Variants in LRRC4C observed in about 807,000 individuals in gnomAD.
LRRC4C encodes leucine rich repeat containing 4C, also known as leucine-rich repeat-containing protein 4C.
Under a neutral mutation model 33.6 loss-of-function variants are expected in LRRC4C, and 5 were observed. The observed-to-expected ratio is 0.15, with a 90% CI of 0.08 to 0.31. LRRC4C has a LOEUF of 0.31. Among genes scored for constraint, LRRC4C ranks in the 10% least tolerant of loss-of-function variants. LRRC4C has a pLI of 1.00. For synonymous variants in LRRC4C, 329 were observed against 302.0 expected, an observed-to-expected ratio of 1.09 and a Z score of -0.93; for missense variants, 560 against 796.7, an observed-to-expected ratio of 0.70 and a Z score of 3.58.
chr11:40,500,293 TAC>T (rs375005241), intron 3 of LRRC4C, among the ~76,000 whole-genome samples: 23,011 of 95,702 alleles, frequency 0.24, 2,681 homozygotes, highest in East Asian at 0.45. Flanking sequence ...TATATATATA[TAC>T]ACACACACAC....
At chr11:41,357,642 A>G (rs1952208240) in intron 1 of LRRC4C, among the ~76,000 whole-genome samples, 1 of 152,088 alleles carries the variant, frequency 6.6e-6, no homozygotes, top group African/African-American at 2.4e-5. Flanking sequence ...AATGCAAAAT[A>G]ATTACTAGTG....
At chr11:40,675,437 G>A (rs931338331) in intron 2 of LRRC4C, among the ~76,000 whole-genome samples, 9 of 152,112 alleles carry the variant, frequency 5.9e-5, no homozygotes, top group African/African-American at 2.2e-4. Flanking sequence ...TAGGGTAGCT[G>A]GGAAACCACG....
intron 3 of LRRC4C, among the ~76,000 whole-genome samples, chr11:40,553,807 T>C (rs1312111851): frequency 6.6e-6 from 1 of 152,238 alleles, no homozygotes; most frequent in Non-Finnish European, 1.5e-5. Flanking sequence ...TTCTTGTTGA[T>C]TTGCTTAAGT....
chr11:41,431,087 C>A (rs950253909), intron 1 of LRRC4C, among the ~76,000 whole-genome samples: 1 of 152,034 alleles, frequency 6.6e-6, no homozygotes, highest in African/African-American at 2.4e-5. Flanking sequence ...TGTATATCCA[C>A]ATATTTAATT....
chr11:40,945,975 G>C (rs979147761), intron 1 of LRRC4C, among the ~76,000 whole-genome samples: 1 of 152,122 alleles, frequency 6.6e-6, no homozygotes, highest in Non-Finnish European at 1.5e-5. Flanking sequence ...CCACGTGCAG[G>C]TTTGTTATAT....
intron 3 of LRRC4C, among the ~76,000 whole-genome samples, chr11:40,634,947 A>G (rs565143611): frequency 7.9e-5 from 12 of 152,100 alleles, no homozygotes; most frequent in Non-Finnish European, 1.2e-4. Context: ...GGCTAGCAAA[A>G]ACTTAGATTC....
At chr11:40,637,560 C>T (rs1385620879) in intron 3 of LRRC4C, among the ~76,000 whole-genome samples, 1 of 152,170 alleles carries the variant, frequency 6.6e-6, no homozygotes, top group African/African-American at 2.4e-5. Context: ...TCTCTCATTC[C>T]TTAGAGCTCT....
chr11:40,325,045 T>C (rs925683474), intron 3 of LRRC4C, among the ~76,000 whole-genome samples: 8 of 152,214 alleles, frequency 5.3e-5, no homozygotes, highest in Non-Finnish European at 7.3e-5. Context: ...GTAGTTACCA[T>C]TATTACTTTA....
chr11:40,359,143 T>A (rs1325906370), intron 3 of LRRC4C, among the ~76,000 whole-genome samples: 1 of 152,218 alleles, frequency 6.6e-6, no homozygotes, highest in African/African-American at 2.4e-5. Context: ...TGTTGGCAAC[T>A]GATACAAAGA....
intron 2 of LRRC4C, among the ~76,000 whole-genome samples, chr11:40,772,252 G>A (rs1949790207): frequency 6.6e-6 from 1 of 152,122 alleles, no homozygotes; most frequent in Non-Finnish European, 1.5e-5. Flanking sequence ...AGCAAATGGG[G>A]AATAAGCCTC....
At chr11:40,552,982 T>TGGATCA (rs1303312345) in intron 3 of LRRC4C, among the ~76,000 whole-genome samples, 1 of 152,038 alleles carries the variant, frequency 6.6e-6, no homozygotes, top group Non-Finnish European at 1.5e-5. Context: ...TATAAAAAGG[T>TGGATCA]GGATCAGGCC....
chr11:40,479,450 C>T (rs1231663875), intron 3 of LRRC4C, among the ~76,000 whole-genome samples: 3 of 151,868 alleles, frequency 2.0e-5, no homozygotes, highest in South Asian at 2.1e-4. Flanking sequence ...GTAAATGCAC[C>T]GACAATTACA....
At chr11:40,665,840 T>C (rs1943777527) in intron 2 of LRRC4C, among the ~76,000 whole-genome samples, 2 of 152,130 alleles carry the variant, frequency 1.3e-5, no homozygotes, top group African/African-American at 4.8e-5. Context: ...ATTTAGCAAG[T>C]CTTTACCCAC....
chr11:40,769,309 A>C (rs746923502), intron 2 of LRRC4C, among the ~76,000 whole-genome samples: 2 of 152,124 alleles, frequency 1.3e-5, no homozygotes, highest in Non-Finnish European at 2.9e-5. Context: ...ACTATAAAAC[A>C]TTTATGCAAG....
chr11:41,307,728 C>G (rs1405966665), intron 1 of LRRC4C, among the ~76,000 whole-genome samples: 1 of 152,156 alleles, frequency 6.6e-6, no homozygotes, highest in African/African-American at 2.4e-5. Context: ...AAAGATCAGC[C>G]ACAATAGGAG....
intron 1 of LRRC4C, among the ~76,000 whole-genome samples, chr11:41,053,560 G>T (rs1482070556): frequency 6.6e-6 from 1 of 152,162 alleles, no homozygotes; most frequent in Non-Finnish European, 1.5e-5. Context: ...GAAACTGTGA[G>T]ATAATAAGTG....
intron 3 of LRRC4C, among the ~76,000 whole-genome samples, chr11:40,499,441 T>C (rs1954634073): frequency 2.6e-5 from 4 of 152,166 alleles, no homozygotes; most frequent in Admixed American, 2.6e-4. Context: ...AAAATGGCCA[T>C]GTAATTGACC....
At position 41,069,765 on chromosome 11, in the gene LRRC4C, G is replaced by C. The variant is rs186104867; in HGVS notation, c.-495-136042C>G. ...CAAACCACTGCTCAAGGAAATAAGA[G>C]AGGACACAAACAAATGAAAAATCAT... On this transcript the variant is annotated intron_variant, in intron 1 of 6. Transcript: ENST00000528697. 2.5e-3 allele frequency among the ~76,000 whole-genome samples: 382 copies of C among 152,220 alleles called. 2 individuals carry two copies. The highest frequency in any genetic ancestry group is 9.0e-3 in the African/African-American group (375 of 41,550).
At chr11:40,687,402 T>C (rs1159148802) in intron 2 of LRRC4C, among the ~76,000 whole-genome samples, 1 of 152,058 alleles carries the variant, frequency 6.6e-6, no homozygotes, top group African/African-American at 2.4e-5. Context: ...TATCTATCTA[T>C]TAGATAGATA....
Sources: gnomAD v4.1 joint callset for allele counts (sites outside exome capture counted in the v4.1 genomes callset) on GRCh38, gnomAD v4.1.1 for gene constraint, MANE v1.5 for transcripts, NCBI Gene and HGNC (gene_info 2026-07-23, HGNC 2026-07-21) for gene names.